The following PTPRR variants were observed in gnomAD, a reference collection of about 807,000 sequenced individuals.
The protein encoded by PTPRR is receptor-type tyrosine-protein phosphatase R.
A neutral mutation model predicts 77.2 loss-of-function variants in PTPRR; 38 were observed. The observed-to-expected ratio is 0.49, with a 90% CI of 0.38 to 0.65. PTPRR has a LOEUF of 0.65. Among genes scored for constraint, PTPRR ranks in the 30% least tolerant of loss-of-function variants. PTPRR has a pLI of 0.00. For missense variants in PTPRR, 744 were observed against 799.2 expected (o/e 0.93, Z 0.83); for synonymous variants, 299 against 283.1 (o/e 1.06, Z -0.57).
chr12:70,749,525 T>C (rs946031774), intron 5 of PTPRR, among the ~76,000 whole-genome samples: 1 of 152,198 alleles, frequency 6.6e-6, no homozygotes, highest in Non-Finnish European at 1.5e-5. Context: ...TGAAAATTAA[T>C]TTGAGATATA....
chr12:70,743,009 G>C (rs1890101149), intron 6 of PTPRR, among the ~76,000 whole-genome samples: 1 of 152,142 alleles, frequency 6.6e-6, no homozygotes, highest in Non-Finnish European at 1.5e-5. Flanking sequence ...CTGAAATATG[G>C]GTCTGGATTT....
chr12:70,783,601 C>G (rs554597741), intron 2 of PTPRR, among the ~76,000 whole-genome samples: 1 of 152,150 alleles, frequency 6.6e-6, no homozygotes, highest in African/African-American at 2.4e-5. Flanking sequence ...GGTTCATGGG[C>G]AGCCATGGGT....
intron 4 of PTPRR, among the ~76,000 whole-genome samples, chr12:70,755,683 C>T (rs1307013118): frequency 6.6e-6 from 1 of 151,996 alleles, no homozygotes; most frequent in Non-Finnish European, 1.5e-5. Context: ...TAGATAGATG[C>T]ATAGATACAA....
intron 4 of PTPRR, chr12:70,754,692 C>T (rs763039551): frequency 8.3e-5 from 133 of 1,596,128 alleles, no homozygotes; most frequent in Admixed American, 1.2e-4. Context: ...CCCTGGATTA[C>T]GTGCTGTACT....
intron 6 of PTPRR, among the ~76,000 whole-genome samples, chr12:70,702,638 G>A (rs902178874): frequency 6.6e-6 from 1 of 152,130 alleles, no homozygotes; most frequent in African/African-American, 2.4e-5. Flanking sequence ...CTTCTCTGAT[G>A]AATCTGCCTC....
At chr12:70,713,167 A>C (rs1313450988) in intron 6 of PTPRR, among the ~76,000 whole-genome samples, 3 of 151,940 alleles carry the variant, frequency 2.0e-5, no homozygotes, top group Admixed American at 6.6e-5. Flanking sequence ...GTCTTGTCTG[A>C]CTTCTTTTAC....
intron 2 of PTPRR, among the ~76,000 whole-genome samples, chr12:70,813,982 T>G (rs2467007): frequency 0.69 from 105,152 of 152,018 alleles, 38,500 homozygotes; most frequent in East Asian, 0.84. Flanking sequence ...TGGGGATAGT[T>G]CCTGTTTCCA....
chr12:70,656,214 T>C (rs1196555855), intron 13 of PTPRR, among the ~76,000 whole-genome samples: 2 of 151,794 alleles, frequency 1.3e-5, no homozygotes, highest in African/African-American at 4.8e-5. Flanking sequence ...TGAGACCCTG[T>C]CTCAAAAAAA....
intron 8 of PTPRR, among the ~76,000 whole-genome samples, chr12:70,690,341 G>A (rs1045687375): frequency 5.3e-5 from 8 of 152,136 alleles, no homozygotes; most frequent in Non-Finnish European, 8.8e-5. Flanking sequence ...TTCTGCCTAG[G>A]GAGGCATTAA....
chr12:70,777,588 A>G (rs2136993193), intron 2 of PTPRR, among the ~76,000 whole-genome samples: 1 of 152,282 alleles, frequency 6.6e-6, no homozygotes, highest in Middle Eastern at 3.4e-3. Context: ...TATTCTGTGT[A>G]TTAGAGACTA....
chr12:70,871,419 A>C (rs935354150), intron 2 of PTPRR, among the ~76,000 whole-genome samples: 4 of 152,082 alleles, frequency 2.6e-5, no homozygotes. Context: ...ACCTGGCCTG[A>C]CTTTGCTCTT....
intron 4 of PTPRR, among the ~76,000 whole-genome samples, chr12:70,761,048 G>A (rs980216201): frequency 3.9e-5 from 6 of 152,146 alleles, no homozygotes; most frequent in Admixed American, 2.6e-4. Context: ...ATGGGAAAAG[G>A]CGAATATCTG....
At chr12:70,789,048 G>A (rs1051867287) in intron 2 of PTPRR, 2 of 485,666 alleles carry the variant, frequency 4.1e-6, no homozygotes, top group African/African-American at 2.0e-5. Flanking sequence ...TATCCCAGGT[G>A]CTTGCTGTTT....
At chr12:70,819,952 G>T (rs1891975369) in intron 2 of PTPRR, among the ~76,000 whole-genome samples, 1 of 152,050 alleles carries the variant, frequency 6.6e-6, no homozygotes, top group African/African-American at 2.4e-5. Flanking sequence ...TGTGAGAAAA[G>T]ATCAACTATT....
intron 2 of PTPRR, among the ~76,000 whole-genome samples, chr12:70,785,654 T>C (rs1044390038): frequency 1.3e-5 from 2 of 152,214 alleles, no homozygotes; most frequent in Non-Finnish European, 2.9e-5. Flanking sequence ...GTATCATTTC[T>C]ATGCTTTGTG....
chr12:70,850,761 T>A (rs1281452916), intron 2 of PTPRR, among the ~76,000 whole-genome samples: 1 of 152,210 alleles, frequency 6.6e-6, no homozygotes, highest in African/African-American at 2.4e-5. Flanking sequence ...TTTTACTCAG[T>A]GCCAGGCCCA....
chr12:70,719,589 T>A (rs2175710), intron 6 of PTPRR, among the ~76,000 whole-genome samples: 2 of 151,950 alleles, frequency 1.3e-5, no homozygotes, highest in Admixed American at 1.3e-4. Flanking sequence ...AAGGCTTAAA[T>A]ACTGAAAGAA....
intron 13 of PTPRR, among the ~76,000 whole-genome samples, chr12:70,651,153 A>T (rs2136654189): frequency 6.6e-6 from 1 of 152,334 alleles, no homozygotes; most frequent in African/African-American, 2.4e-5. Flanking sequence ...CCTTGATTGA[A>T]GGACCTCGCC....
At chr12:70,688,320 T>A (rs185476334) in intron 8 of PTPRR, among the ~76,000 whole-genome samples, 2 of 152,096 alleles carry the variant, frequency 1.3e-5, no homozygotes, top group Admixed American at 1.3e-4. Context: ...GGGGCTAATA[T>A]CCAAAATATA....
Sources: allele counts gnomAD v4.1 joint callset (sites outside exome capture counted in the v4.1 genomes callset), GRCh38; gene constraint gnomAD v4.1.1; transcripts MANE v1.5; gene names NCBI Gene and HGNC (gene_info 2026-07-23, HGNC 2026-07-21).